The following GLDC variants were observed in gnomAD, a reference collection of about 807,000 sequenced individuals.
GLDC encodes the protein glycine decarboxylase.
A neutral mutation model predicts 121.3 loss-of-function variants in GLDC; 104 were observed. The ratio of observed to expected loss-of-function variants is 0.86; its 90% CI spans 0.73 to 1.01. The LOEUF (loss-of-function observed/expected upper bound fraction) is 1.01. GLDC is among the 50% of genes least tolerant of loss of function. The pLI is 0.00. For missense variants in GLDC, 1,429 were observed against 1,306.6 expected, an observed-to-expected ratio of 1.09 and a Z score of -1.44; for synonymous variants, 546 against 480.6, an observed-to-expected ratio of 1.14 and a Z score of -1.78.
Position 6,619,314 on chromosome 9 carries a change from T to G in GLDC, c.470+870A>C, listed in dbSNP as rs116128230. On this transcript the variant is annotated intron_variant, in intron 3 of 24. Transcript: ENST00000321612. ...GCACATGTTCTCTTTCTCTAGAAAG[T>G]GCTAGCAATAAAGCTGATATTATGA... 5.6e-3 allele frequency among the ~76,000 whole-genome samples: 858 copies of G among 152,182 alleles called. 12 individuals carry two copies. The highest frequency in any genetic ancestry group is 0.019 in the African/African-American group (798 of 41,520).
At chr9:6,622,761 G>A (rs1377678703) in intron 2 of GLDC, 9 of 216,624 alleles carry the variant, frequency 4.2e-5, no homozygotes, top group South Asian at 2.6e-4. Context: ...AGTGAGGAGC[G>A]TCTCTGCCCG....
At chr9:6,629,459 C>A (rs1819316187) in intron 2 of GLDC, among the ~76,000 whole-genome samples, 1 of 152,050 alleles carries the variant, frequency 6.6e-6, no homozygotes, top group Non-Finnish European at 1.5e-5. Context: ...AGGTGATCTG[C>A]CTGCCTCGGC....
rs1172825894 is a variant in GLDC, at chr9:6,645,571, T to TC, written c.-73dup. 5 of 1,141,308 alleles carry TC rather than the reference T, an allele frequency of 4.4e-6. No homozygotes were observed. The highest frequency in any genetic ancestry group is 5.5e-6 in the Non-Finnish European group (5 of 905,338). 70.7% of individuals were successfully genotyped at this position (1,141,308 alleles called of 1,614,324 possible). ...CTCTTGGCCCCTCTCCTGGCCTCGG[T>TC]CCCCCGGGTGGCGGCTGCGCCCGGC... On this transcript the variant is annotated 5_prime_UTR_variant, in exon 1 of 25. Transcript: ENST00000321612.
chr9:6,632,552 A>G (rs569850487), intron 2 of GLDC, among the ~76,000 whole-genome samples: 14 of 152,376 alleles, frequency 9.2e-5, no homozygotes, highest in African/African-American at 2.2e-4. Flanking sequence ...CGTACATCGT[A>G]TAACTGAGAC....
chr9:6,604,497 G>C (rs1179538917), intron 7 of GLDC, 91 bp downstream of exon 7: 7 of 1,216,564 alleles, frequency 5.8e-6, no homozygotes, highest in Middle Eastern at 2.7e-4. Context: ...ACATGGCCCA[G>C]TTGAATTCAG....
At chr9:6,573,622 T>C (rs1369132437) in intron 15 of GLDC, among the ~76,000 whole-genome samples, 3 of 152,162 alleles carry the variant, frequency 2.0e-5, no homozygotes, top group Non-Finnish European at 2.9e-5. Context: ...TTGCTTGTGA[T>C]ACGTAAGGGT....
intron 5 of GLDC, among the ~76,000 whole-genome samples, chr9:6,605,682 A>G (rs748135724): frequency 4.3e-4 from 66 of 152,216 alleles, no homozygotes; most frequent in Non-Finnish European, 6.9e-4. Flanking sequence ...AGATTCCTGA[A>G]CTAATAATGC....
chr9:6,591,745 T>A (rs1449610154), intron 11 of GLDC: 1 of 263,706 alleles, frequency 3.8e-6, no homozygotes, highest in African/African-American at 2.2e-5. Context: ...CCACCATGCC[T>A]GGCTAATTTT....
Position 6,631,854 on chromosome 9 carries a change from C to T in GLDC, c.335-11535G>A, listed in dbSNP as rs547454826. On this transcript the variant is annotated intron_variant, in intron 2 of 24. Coordinates refer to ENST00000321612, the MANE Select transcript of GLDC (RefSeq NM_000170.3). Reference sequence around the variant, plus strand: ...GGCTAAGGGAGGAGGATGTTTTGAACCCAGGAGTTTGAGACCAGCCTAGGC... The same window carrying T: ...GGCTAAGGGAGGAGGATGTTTTGAATCCAGGAGTTTGAGACCAGCCTAGGC... 2.0e-5 allele frequency among the ~76,000 whole-genome samples: 3 copies of T among 152,248 alleles called. 1 individual carries two copies. The South Asian group carries it at 6.2e-4, about 32-fold the overall frequency.
chr9:6,616,493 T>C (rs1016862101), intron 3 of GLDC, among the ~76,000 whole-genome samples: 1 of 152,208 alleles, frequency 6.6e-6, no homozygotes, highest in Non-Finnish European at 1.5e-5. Context: ...TTAATGCTCT[T>C]AACAATGATC....
At chr9:6,607,813 C>A (rs972198638) in intron 4 of GLDC, among the ~76,000 whole-genome samples, 44 of 151,582 alleles carry the variant, frequency 2.9e-4, no homozygotes, top group African/African-American at 1.0e-3. Context: ...CCATGCCCAG[C>A]CAATTTTTGT....
At chr9:6,607,941 G>A (rs1015447563) in intron 4 of GLDC, among the ~76,000 whole-genome samples, 1 of 151,698 alleles carries the variant, frequency 6.6e-6, no homozygotes, top group Non-Finnish European at 1.5e-5. Context: ...TGGGCAACAT[G>A]GCAAAACCCT....
chr9:6,612,184 C>G (rs1818870595), intron 3 of GLDC, among the ~76,000 whole-genome samples: 1 of 146,372 alleles, frequency 6.8e-6, no homozygotes, highest in Non-Finnish European at 1.5e-5. Context: ...CACACACACA[C>G]ACTCACTCTC....
At chr9:6,547,568 G>T (rs945683018) in intron 21 of GLDC, among the ~76,000 whole-genome samples, 1 of 152,164 alleles carries the variant, frequency 6.6e-6, no homozygotes, top group African/African-American at 2.4e-5. Context: ...AGCCATACAT[G>T]TCAAAAGCTT....
At chr9:6,535,742 TAC>T (rs1393128640) in intron 23 of GLDC, among the ~76,000 whole-genome samples, 2 of 152,208 alleles carry the variant, frequency 1.3e-5, no homozygotes, top group African/African-American at 4.8e-5. Flanking sequence ...TGTGTGCTTG[TAC>T]AGAGTTTGTG....
chr9:6,613,300 A>C (rs1818898547), intron 3 of GLDC, among the ~76,000 whole-genome samples: 1 of 152,158 alleles, frequency 6.6e-6, no homozygotes, highest in Non-Finnish European at 1.5e-5. Flanking sequence ...CATTTTTTCC[A>C]ATCTCTTTTC....
intron 18 of GLDC, 108 bp downstream of exon 18, chr9:6,556,045 G>T (rs944060051): frequency 1.0e-5 from 9 of 875,068 alleles, no homozygotes; most frequent in African/African-American, 1.0e-4. Context: ...CAGGTCGTGG[G>T]TCTGAGTTCC....
At chr9:6,631,023 A>G (rs1819364243) in intron 2 of GLDC, among the ~76,000 whole-genome samples, 1 of 152,158 alleles carries the variant, frequency 6.6e-6, no homozygotes. Context: ...TCCATACGCT[A>G]CGCTCTGCAC....
At chr9:6,574,757 G>GA (rs1818031373) in intron 15 of GLDC, among the ~76,000 whole-genome samples, 4 of 152,082 alleles carry the variant, frequency 2.6e-5, no homozygotes, top group Admixed American at 2.6e-4. Context: ...AGGGCTTACA[G>GA]GTCTCTCATA....
Sources: gnomAD v4.1 joint callset for allele counts (sites outside exome capture counted in the v4.1 genomes callset) on GRCh38, gnomAD v4.1.1 for gene constraint, MANE v1.5 for transcripts, NCBI Gene and HGNC (gene_info 2026-07-23, HGNC 2026-07-21) for gene names.